WDR44: variants seen among roughly 807,000 people sequenced by gnomAD.
WDR44 encodes the protein WD repeat domain 44, also known as WD repeat-containing protein 44.
Under a neutral mutation model 65.7 loss-of-function variants are expected in WDR44, and 9 were observed. That is an observed-to-expected ratio of 0.14 (90% CI 0.08 to 0.24). The LOEUF (loss-of-function observed/expected upper bound fraction) is 0.24, where lower values mean the gene tolerates loss of function less well. Ranked by LOEUF, WDR44 falls within the 10% of genes least tolerant of loss-of-function variation. WDR44 has a pLI of 1.00. For synonymous variants in WDR44, 220 were observed against 235.2 expected (o/e 0.94, Z 0.59); for missense variants, 425 against 670.9 (o/e 0.63, Z 4.05).
intron 8 of WDR44, among the ~76,000 whole-genome samples, chrX:118,401,630 C>T (rs1459142245): frequency 1.6e-4 from 13 of 81,110 alleles, no homozygotes; most frequent in South Asian, 7.6e-4. Context: ...TGCCTGTTCA[C>T]TCTGATGGTA....
At chrX:118,436,588 G>A (rs373830052) in intron 13 of WDR44, 114 bp from the exon 14 acceptor site, 76 of 810,103 alleles carry the variant, frequency 9.4e-5, no homozygotes, top group African/African-American at 1.4e-4. Flanking sequence ...TTCCGATGCT[G>A]CATTTAACAA....
chrX:118,400,537 T>C (rs1223900400), intron 8 of WDR44, among the ~76,000 whole-genome samples: 2 of 111,989 alleles, frequency 1.8e-5, no homozygotes, highest in African/African-American at 3.2e-5. Context: ...TTCAGAGTTA[T>C]AGGTAGCAGA....
intron 19 of WDR44, among the ~76,000 whole-genome samples, chrX:118,445,996 C>G (rs1329654876): frequency 2.0e-5 from 2 of 101,782 alleles, no homozygotes; most frequent in African/African-American, 3.7e-5. Context: ...CGCCACTGCA[C>G]TCCAGCCTGG....
At chrX:118,353,840 C>G (rs999243078) in intron 1 of WDR44, among the ~76,000 whole-genome samples, 3 of 112,040 alleles carry the variant, frequency 2.7e-5, no homozygotes, top group African/African-American at 9.7e-5. Context: ...CAGCAGCTAC[C>G]AAATAATCCA....
At chrX:118,376,331 C>T (rs759591792) in intron 1 of WDR44, among the ~76,000 whole-genome samples, 1 of 111,430 alleles carries the variant, frequency 9.0e-6, no homozygotes, top group African/African-American at 3.3e-5. Context: ...AAGGATTCCT[C>T]TACCAAAGGA....
At chrX:118,418,594 G>A (rs2057077290) in intron 12 of WDR44, among the ~76,000 whole-genome samples, 1 of 111,253 alleles carries the variant, frequency 9.0e-6, no homozygotes, top group Admixed American at 9.6e-5. Context: ...TGGCAGGGGG[G>A]TGAAATGGAC....
intron 15 of WDR44, 145 bp from the exon 16 acceptor site, chrX:118,442,099 T>C: frequency 8.7e-6 from 4 of 459,501 alleles, no homozygotes; most frequent in East Asian, 7.4e-5. Context: ...TAGAGCGTAG[T>C]GGTGCAATTG....
chrX:118,445,702 CTG>C (rs772461188), intron 19 of WDR44, among the ~76,000 whole-genome samples: 1 of 112,332 alleles, frequency 8.9e-6, no homozygotes, highest in South Asian at 3.7e-4. Context: ...GGAGAAGAAA[CTG>C]TCAGCAAGTA....
intron 9 of WDR44, among the ~76,000 whole-genome samples, chrX:118,406,434 G>A (rs1048942507): frequency 9.0e-6 from 1 of 111,388 alleles, no homozygotes; most frequent in Admixed American, 9.6e-5. Flanking sequence ...TTTTAATTAG[G>A]TAAATTTTCT....
At chrX:118,427,738 G>T (rs1312963275) in intron 12 of WDR44, among the ~76,000 whole-genome samples, 7 of 101,170 alleles carry the variant, frequency 6.9e-5, no homozygotes, top group Admixed American at 4.3e-4. Context: ...GCAGTGGCAC[G>T]ATCTCGGCTC....
chrX:118,428,454 A>G (rs1296046350), intron 12 of WDR44, among the ~76,000 whole-genome samples: 1 of 111,582 alleles, frequency 9.0e-6, no homozygotes, highest in African/African-American at 3.3e-5. Context: ...AAATATTTAT[A>G]GATAAAAGAC....
Position 118,346,109 on chromosome X carries a change from A to G in WDR44, c.-395A>G. ...CTCGCGAGGGTAGGTGCGCGTCGGT[A>G]TTTTGCGGGCAACTAGCTCTTCCAG... On this transcript the variant is annotated 5_prime_UTR_variant, in exon 1 of 20. Transcript: ENST00000254029. The G allele has an allele frequency of 3.3e-6, 1 of 299,640 alleles. No individual in the cohort carries two copies. Among genetic ancestry groups the G allele is most frequent in the Non-Finnish European group, 5.8e-6 (1 of 171,514 alleles). The allele number at this position is 299,640 out of a possible 1,213,427, so 24.7% of individuals were successfully genotyped here.
chrX:118,379,080 A>G (rs2056691150), intron 2 of WDR44, among the ~76,000 whole-genome samples: 1 of 109,977 alleles, frequency 9.1e-6, no homozygotes, highest in South Asian at 3.9e-4. Context: ...TGCATGACAA[A>G]AATGTACAGT....
At chrX:118,386,257 A>G in intron 2 of WDR44, 1 of 276,330 alleles carries the variant, frequency 3.6e-6, no homozygotes, top group East Asian at 1.1e-4. Context: ...CTCAGTATCA[A>G]GAGTAGCATT....
chrX:118,373,291 G>A (rs1316130934), intron 1 of WDR44, among the ~76,000 whole-genome samples: 1 of 111,049 alleles, frequency 9.0e-6, no homozygotes, highest in African/African-American at 3.3e-5. Flanking sequence ...AAGGACAATT[G>A]TATATCCTTT....
At chrX:118,362,663 T>C (rs1162654361) in intron 1 of WDR44, among the ~76,000 whole-genome samples, 1 of 110,372 alleles carries the variant, frequency 9.1e-6, no homozygotes, top group Non-Finnish European at 1.9e-5. Context: ...CAGTGAACAC[T>C]ATTAAAAAAT....
intron 1 of WDR44, among the ~76,000 whole-genome samples, chrX:118,369,556 G>A (rs1308004195): frequency 1.2e-4 from 12 of 96,068 alleles, no homozygotes; most frequent in Non-Finnish European, 1.8e-4. Flanking sequence ...TGCAAGCTCC[G>A]CCTCCCAGGT....
intron 1 of WDR44, among the ~76,000 whole-genome samples, chrX:118,372,339 T>C (rs1040998778): frequency 9.0e-6 from 1 of 111,167 alleles, no homozygotes; most frequent in Non-Finnish European, 1.9e-5. Context: ...TCCCCATTTC[T>C]CCCTCCCATC....
rs1465750211 is a variant in WDR44 at position 118,409,533 on chromosome X, T to G, written c.1578T>G (p.Leu526=). 3 of 1,210,485 alleles carry G rather than the reference T, an allele frequency of 2.5e-6. No individual in the cohort carries two copies. The highest frequency in any genetic ancestry group is 3.4e-6 in the Non-Finnish European group (3 of 894,822). ...AATTTTCTCACTGTGGCCGATTACTTGCCTCAGCTGGACAAGACAATGTAG... is the reference window on the plus strand; with the variant it reads ...AATTTTCTCACTGTGGCCGATTACTGGCCTCAGCTGGACAAGACAATGTAG... ...TMKFSHCGRL[L]ASAGQDNVVR... is the part of the protein sequence containing the mutation. Residue 526 remains leucine (L), a synonymous_variant, in exon 11 of 20, where the codon CTT becomes CTG. Transcript: ENST00000254029.
Sources: gnomAD v4.1 joint callset for allele counts (sites outside exome capture counted in the v4.1 genomes callset) on GRCh38, gnomAD v4.1.1 for gene constraint, MANE v1.5 for transcripts, NCBI Gene and HGNC (gene_info 2026-07-23, HGNC 2026-07-21) for gene names.